Variants in FAAH2 observed in about 807,000 individuals in gnomAD.
FAAH2 encodes fatty acid amide hydrolase 2, also known as fatty-acid amide hydrolase 2.
In FAAH2, 60 loss-of-function variants were observed where a neutral mutation model predicts 36.9. That is an observed-to-expected ratio of 1.63 (90% CI 1.32 to 2.02). The LOEUF (loss-of-function observed/expected upper bound fraction) is 2.02, where lower values mean the gene tolerates loss of function less well. Among genes scored for constraint, FAAH2 ranks in the 30% most tolerant of loss-of-function variants. FAAH2 has a pLI of 0.00. For missense variants in FAAH2, 689 were observed against 397.5 expected (o/e 1.73, Z -6.23); for synonymous variants, 214 against 143.8 (o/e 1.49, Z -3.49).
At chrX:57,425,148 G>A (rs1320130537) in intron 7 of FAAH2, among the ~76,000 whole-genome samples, 1 of 111,301 alleles carries the variant, frequency 9.0e-6, no homozygotes, top group Non-Finnish European at 1.9e-5. Flanking sequence ...CTTGAAGATA[G>A]GTCTTTCAAA....
chrX:57,451,403 C>T (rs939588458), intron 10 of FAAH2, among the ~76,000 whole-genome samples: 2 of 112,138 alleles, frequency 1.8e-5, no homozygotes, highest in East Asian at 5.6e-4. Flanking sequence ...GTGAACTATA[C>T]TGTATGCACT....
chrX:57,290,091 T>A (rs939893829), intron 1 of FAAH2, among the ~76,000 whole-genome samples: 1 of 111,612 alleles, frequency 9.0e-6, no homozygotes, highest in African/African-American at 3.3e-5. Flanking sequence ...ACATTACATG[T>A]GTTGCTAGGA....
At chrX:57,407,862 G>C (rs1209007328) in intron 7 of FAAH2, among the ~76,000 whole-genome samples, 2 of 111,972 alleles carry the variant, frequency 1.8e-5, no homozygotes, top group Non-Finnish European at 3.8e-5. Flanking sequence ...TCATTCTTTT[G>C]CAAATGGATA....
At chrX:57,229,992 G>C in the FAAH2 span, among the ~76,000 whole-genome samples, 1 of 111,685 alleles carries the variant, frequency 9.0e-6, no homozygotes. Context: ...TGAAGCTAAT[G>C]AGCACTAGTA....
the FAAH2 span, among the ~76,000 whole-genome samples, chrX:57,164,402 A>G: frequency 4.5e-3 from 505 of 112,502 alleles, 2 homozygotes; most frequent in African/African-American, 0.015. Context: ...AAATGCATTC[A>G]TAAAGCTGTT....
chrX:57,398,731 C>T (rs1178341161), intron 7 of FAAH2, among the ~76,000 whole-genome samples: 1 of 111,352 alleles, frequency 9.0e-6, no homozygotes, highest in Non-Finnish European at 1.9e-5. Context: ...CTGTTTTAAC[C>T]TAATTAGCAT....
At chrX:57,383,259 C>A (rs764553667) in intron 7 of FAAH2, among the ~76,000 whole-genome samples, 1 of 112,113 alleles carries the variant, frequency 8.9e-6, no homozygotes, top group African/African-American at 3.2e-5. Flanking sequence ...CCTTTGAAAA[C>A]TGGCACAAGA....
the FAAH2 span, among the ~76,000 whole-genome samples, chrX:57,138,177 C>T: frequency 9.0e-6 from 1 of 111,715 alleles, no homozygotes; most frequent in African/African-American, 3.3e-5. Context: ...TTATCTATTT[C>T]GCATAAAGTG....
At chrX:57,180,499 A>G in the FAAH2 span, among the ~76,000 whole-genome samples, 36 of 111,765 alleles carry the variant, frequency 3.2e-4, no homozygotes, top group Non-Finnish European at 5.6e-4. Context: ...CTCTATGCAC[A>G]CAACTAAAAA....
chrX:57,458,137 A>G (rs1569358999), intron 10 of FAAH2, among the ~76,000 whole-genome samples: 4 of 111,352 alleles, frequency 3.6e-5, no homozygotes, highest in Admixed American at 9.5e-5. Flanking sequence ...CCCAGAAATA[A>G]ACCTGCCACC....
In FAAH2 at chrX:57,351,672, A is replaced by T. The variant is rs191777943; in HGVS notation, c.742+10282A>T. The stretch of plus-strand genomic sequence containing the variant: ...ATTTATACCACAGATATAAAAAAAG[A>T]TTATTGGAGACTATTATGAAAACTG... On this transcript the variant is annotated intron_variant, in intron 5 of 10. Coordinates refer to ENST00000374900, the MANE Select transcript of FAAH2 (RefSeq NM_174912.4). 1.8e-3 allele frequency among the ~76,000 whole-genome samples: 202 copies of T among 109,714 alleles called. 1 individual carries two copies. The Middle Eastern group carries it at 0.024, about 13-fold the overall frequency.
At chrX:57,459,720 C>T (rs1181631882) in intron 10 of FAAH2, among the ~76,000 whole-genome samples, 4 of 112,030 alleles carry the variant, frequency 3.6e-5, no homozygotes, top group Non-Finnish European at 7.5e-5. Flanking sequence ...TGGAGTGGAC[C>T]TCCAACAAAC....
the FAAH2 span, among the ~76,000 whole-genome samples, chrX:57,245,577 A>T: frequency 8.9e-6 from 1 of 112,093 alleles, no homozygotes; most frequent in Non-Finnish European, 1.9e-5. Flanking sequence ...TAAGAAACTC[A>T]CTCGAAACCC....
the FAAH2 span, among the ~76,000 whole-genome samples, chrX:57,161,246 C>A: frequency 2.7e-5 from 3 of 111,663 alleles, no homozygotes; most frequent in Admixed American, 2.9e-4. Context: ...AATTTCTGTT[C>A]TTTTACATTT....
rs190616269 is a variant in FAAH2 at position 57,428,143 on chromosome X, T to A, written c.997-3775T>A. On this transcript the variant is annotated intron_variant, in intron 7 of 10. Coordinates refer to ENST00000374900, the MANE Select transcript of FAAH2 (RefSeq NM_174912.4). Reference sequence around the variant, plus strand: ...AATCAAGTTGTCAGTTTGTTAGCATTTACAATAGCTGTAAAAATAAAATAT... The same window carrying A: ...AATCAAGTTGTCAGTTTGTTAGCATATACAATAGCTGTAAAAATAAAATAT... Among the ~76,000 whole-genome samples, 21 of 111,856 alleles carry A rather than the reference T, an allele frequency of 1.9e-4. No homozygotes were observed. In the East Asian group the frequency reaches 5.6e-3, roughly 30 times the overall value.
chrX:57,149,010 A>G, the FAAH2 span, among the ~76,000 whole-genome samples: 1 of 111,955 alleles, frequency 8.9e-6, no homozygotes, highest in Non-Finnish European at 1.9e-5. Context: ...GCATCTATTG[A>G]GATAATCATG....
intron 4 of FAAH2, among the ~76,000 whole-genome samples, chrX:57,335,820 C>A (rs747516850): frequency 2.7e-5 from 3 of 111,813 alleles, no homozygotes; most frequent in Admixed American, 9.4e-5. Flanking sequence ...GAGGTACCTG[C>A]GGCCTTCTGC....
At chrX:57,424,942 C>T (rs1017513062) in intron 7 of FAAH2, among the ~76,000 whole-genome samples, 1 of 109,287 alleles carries the variant, frequency 9.2e-6, no homozygotes, top group East Asian at 2.9e-4. Flanking sequence ...TAAAGATACT[C>T]AATGAAATCA....
In FAAH2 at chrX:57,431,779, G is replaced by GT. The variant is rs368910432; in HGVS notation, c.997-132dup. On this transcript the variant is annotated intron_variant, in intron 7 of 10. Transcript: ENST00000374900. Reference sequence around the variant, plus strand: ...TTTGTTTTTGTTTTTTTGTTTTTTTGTTTTTTTGTTTTTTTTGGTGTTTCC... The same window carrying GT: ...TTTGTTTTTGTTTTTTTGTTTTTTTGTTTTTTTTGTTTTTTTTGGTGTTTCC... The GT allele has an allele frequency of 3.4e-3, 283 of 83,527 alleles. 3 individuals carry two copies. Among genetic ancestry groups the GT allele is most frequent in the African/African-American group, 7.7e-3 (109 of 14,225 alleles). The allele number at this position is 83,527 out of a possible 1,213,427, so 6.9% of individuals were successfully genotyped here.
Sources: allele counts gnomAD v4.1 joint callset (sites outside exome capture counted in the v4.1 genomes callset), GRCh38; gene constraint gnomAD v4.1.1; transcripts MANE v1.5; gene names NCBI Gene and HGNC (gene_info 2026-07-23, HGNC 2026-07-21).